The following MAGI2 variants were observed in gnomAD, a reference collection of about 807,000 sequenced individuals.
MAGI2 encodes the protein membrane associated guanylate kinase, WW and PDZ domain containing 2.
In MAGI2, 35 loss-of-function variants were observed where a neutral mutation model predicts 133.3. That is an observed-to-expected ratio of 0.26 (90% CI 0.20 to 0.35). MAGI2 has a LOEUF of 0.35. Ranked by LOEUF, MAGI2 falls within the 10% of genes least tolerant of loss-of-function variation. The pLI, the probability that MAGI2 is intolerant of heterozygous loss-of-function variation, is 1.00. For synonymous variants in MAGI2, 729 were observed against 710.6 expected (o/e 1.03, Z -0.41); for missense variants, 1,636 against 1,863.4 (o/e 0.88, Z 2.25).
At chr7:78,540,070 G>A (rs1563143250) in intron 3 of MAGI2, among the ~76,000 whole-genome samples, 1 of 152,196 alleles carries the variant, frequency 6.6e-6, no homozygotes, top group Admixed American at 6.5e-5. Context: ...CATATAGGGG[G>A]ATATAAGCTT....
intron 10 of MAGI2, chr7:78,255,113 C>T (rs1792832476): frequency 6.6e-6 from 1 of 152,352 alleles, no homozygotes; most frequent in African/African-American, 2.4e-5. Context: ...TCCCTTCTCT[C>T]TCTAGGTTCA....
chr7:78,542,083 C>A (rs879411651), intron 3 of MAGI2, among the ~76,000 whole-genome samples: 7 of 152,084 alleles, frequency 4.6e-5, no homozygotes, highest in Non-Finnish European at 8.8e-5. Flanking sequence ...TGGGTGTACA[C>A]CAATAAAACA....
At position 79,453,497 on chromosome 7, in the gene MAGI2, G is replaced by A; in HGVS notation, c.-177C>T. The stretch of plus-strand genomic sequence containing the variant: ...GGATGGAGTGTGGACGAGGAATGGG[G>A]AGGATGAGAGGGACGGCTGGGCAGA... On this transcript the variant is annotated 5_prime_UTR_variant, in exon 1 of 22. Coordinates refer to ENST00000354212, the MANE Select transcript of MAGI2 (RefSeq NM_012301.4). 1 of 1,412,772 alleles carries A rather than the reference G, an allele frequency of 7.1e-7. No individual in the cohort carries two copies. Among genetic ancestry groups the A allele is most frequent in the South Asian group, 1.6e-5 (1 of 61,752 alleles). The allele number at this position is 1,412,772 out of a possible 1,614,324, so 87.5% of individuals were successfully genotyped here. A position where few individuals can be genotyped will look rare whatever the true frequency, so the allele number is the denominator to read the frequency against.
intron 1 of MAGI2, among the ~76,000 whole-genome samples, chr7:79,419,793 T>G (rs945486513): frequency 6.6e-6 from 1 of 152,104 alleles, no homozygotes; most frequent in African/African-American, 2.4e-5. Context: ...TGCAAAACTT[T>G]AAATAGACTA....
At chr7:79,044,385 T>C (rs1043491557) in intron 1 of MAGI2, among the ~76,000 whole-genome samples, 1 of 152,138 alleles carries the variant, frequency 6.6e-6, no homozygotes, top group Non-Finnish European at 1.5e-5. Flanking sequence ...TTTAACATCC[T>C]TTCAGGTTAA....
intron 3 of MAGI2, among the ~76,000 whole-genome samples, chr7:78,626,695 G>A (rs530603317): frequency 6.6e-6 from 1 of 151,938 alleles, no homozygotes; most frequent in African/African-American, 2.4e-5. Context: ...AGTAATTTGA[G>A]AAAGCCACAC....
chr7:79,310,909 G>A (rs139271773), intron 1 of MAGI2, among the ~76,000 whole-genome samples: 25 of 150,506 alleles, frequency 1.7e-4, no homozygotes, highest in African/African-American at 6.1e-4. Context: ...ACATTAAGAA[G>A]TATTCCCATA....
chr7:78,831,970 C>T (rs924077148), intron 2 of MAGI2, among the ~76,000 whole-genome samples: 3 of 152,136 alleles, frequency 2.0e-5, no homozygotes, highest in African/African-American at 4.8e-5. Flanking sequence ...GAATTGGTGA[C>T]ATTTTTAGGC....
At chr7:78,205,866 C>T (rs1322877670) in intron 10 of MAGI2, among the ~76,000 whole-genome samples, 1 of 152,168 alleles carries the variant, frequency 6.6e-6, no homozygotes, top group African/African-American at 2.4e-5. Context: ...TTAGAACATT[C>T]CATTTGCTAT....
intron 3 of MAGI2, among the ~76,000 whole-genome samples, chr7:78,609,830 A>T (rs1439734355): frequency 6.6e-6 from 1 of 152,314 alleles, no homozygotes; most frequent in East Asian, 1.9e-4. Flanking sequence ...TTTCAACTTG[A>T]TAAGTCCAGG....
At chr7:79,374,523 A>T (rs1444192665) in intron 1 of MAGI2, among the ~76,000 whole-genome samples, 1 of 152,008 alleles carries the variant, frequency 6.6e-6, no homozygotes, top group African/African-American at 2.4e-5. Flanking sequence ...GCTGTGAGAA[A>T]ATGAATTTAT....
intron 20 of MAGI2, among the ~76,000 whole-genome samples, chr7:78,088,160 A>C (rs556581530): frequency 2.0e-5 from 3 of 152,320 alleles, no homozygotes; most frequent in Admixed American, 2.0e-4. Context: ...ATTGAGAGAA[A>C]ATGCGGGATT....
At chr7:79,446,909 G>C (rs150422319) in intron 1 of MAGI2, among the ~76,000 whole-genome samples, 1 of 151,972 alleles carries the variant, frequency 6.6e-6, no homozygotes, top group African/African-American at 2.4e-5. Context: ...CTGAGATCAC[G>C]CCACTGCACT....
chr7:79,257,157 TCA>T (rs770405729), intron 1 of MAGI2, among the ~76,000 whole-genome samples: 210 of 152,274 alleles, frequency 1.4e-3, no homozygotes, highest in Admixed American at 2.4e-3. Flanking sequence ...GTTTTATCTA[TCA>T]GTTATAATAA....
intron 2 of MAGI2, among the ~76,000 whole-genome samples, chr7:78,879,652 C>G (rs375742089): frequency 5.7e-4 from 86 of 152,050 alleles, no homozygotes; most frequent in African/African-American, 2.0e-3. Flanking sequence ...GGAGCCAGCA[C>G]AAGAATTCTG....
intron 2 of MAGI2, among the ~76,000 whole-genome samples, chr7:78,982,681 AC>A (rs1804894856): frequency 1.3e-5 from 2 of 151,832 alleles, no homozygotes; most frequent in Non-Finnish European, 2.9e-5. Context: ...ACCATAATAC[AC>A]TTTTTTATTA....
intron 2 of MAGI2, among the ~76,000 whole-genome samples, chr7:78,653,999 T>C (rs1811866971): frequency 6.6e-6 from 1 of 152,178 alleles, no homozygotes; most frequent in African/African-American, 2.4e-5. Flanking sequence ...CCCTGAAAAT[T>C]ACAAGAAATT....
At chr7:78,405,667 T>G (rs1180559939) in intron 6 of MAGI2, among the ~76,000 whole-genome samples, 2 of 152,070 alleles carry the variant, frequency 1.3e-5, no homozygotes, top group Non-Finnish European at 2.9e-5. Context: ...ACCAAAAATA[T>G]TCTTATTTGG....
intron 2 of MAGI2, among the ~76,000 whole-genome samples, chr7:78,642,925 G>C (rs1050633747): frequency 6.6e-6 from 1 of 152,176 alleles, no homozygotes; most frequent in Non-Finnish European, 1.5e-5. Context: ...TTTGTTGTGG[G>C]AGATAGATGA....
Sources: gnomAD v4.1 joint callset for allele counts (sites outside exome capture counted in the v4.1 genomes callset) on GRCh38, gnomAD v4.1.1 for gene constraint, MANE v1.5 for transcripts, NCBI Gene and HGNC (gene_info 2026-07-23, HGNC 2026-07-21) for gene names.